Variants in CCSER1 observed in about 807,000 individuals in gnomAD.
CCSER1 encodes the protein coiled-coil serine rich protein 1.
CCSER1 carries 41 observed loss-of-function variants against 82.0 expected under a neutral mutation model. The ratio of observed to expected loss-of-function variants is 0.50; its 90% CI spans 0.39 to 0.65. The LOEUF (loss-of-function observed/expected upper bound fraction) is 0.65. Ranked by LOEUF, CCSER1 falls within the 30% of genes least tolerant of loss-of-function variation. The pLI is 0.00. For synonymous variants in CCSER1, 414 were observed against 383.9 expected (o/e 1.08, Z -0.92); for missense variants, 1,119 against 1,064.2 (o/e 1.05, Z -0.72).
At chr4:90,146,191 A>G (rs1451603421) in intron 1 of CCSER1, among the ~76,000 whole-genome samples, 1 of 152,056 alleles carries the variant, frequency 6.6e-6, no homozygotes, top group Non-Finnish European at 1.5e-5. Flanking sequence ...ATATTCTTGT[A>G]TTTCTAGTCT....
At chr4:90,487,810 T>C (rs942556748) in intron 5 of CCSER1, among the ~76,000 whole-genome samples, 6 of 152,098 alleles carry the variant, frequency 3.9e-5, no homozygotes, top group African/African-American at 1.4e-4. Context: ...CCCGGCTAAT[T>C]TTTGTATTTT....
intron 5 of CCSER1, among the ~76,000 whole-genome samples, chr4:90,587,653 T>G (rs900311177): frequency 2.6e-5 from 4 of 152,246 alleles, no homozygotes; most frequent in Non-Finnish European, 5.9e-5. Context: ...GATCCTAGAT[T>G]AAGCCTCTGT....
At chr4:90,427,421 T>C (rs973194315) in intron 4 of CCSER1, among the ~76,000 whole-genome samples, 1 of 151,430 alleles carries the variant, frequency 6.6e-6, no homozygotes, top group South Asian at 2.1e-4. Context: ...TGAAGGAATC[T>C]TTTGTTTATA....
In CCSER1 at chr4:90,834,224, T is replaced by C. The variant is rs78372799; in HGVS notation, c.2094+18379T>C. Among the ~76,000 whole-genome samples, 542 of 152,314 alleles carry C rather than the reference T, an allele frequency of 3.6e-3. 5 individuals carry two copies. The highest frequency in any genetic ancestry group is 0.028 in the South Asian group (134 of 4,828). ...TCAAGCCTATTTTCCTTCCTAGTACTCACAAGGTGATTTTTAATAATCAGG... is the reference window on the plus strand; with the variant it reads ...TCAAGCCTATTTTCCTTCCTAGTACCCACAAGGTGATTTTTAATAATCAGG... On this transcript the variant is annotated intron_variant, in intron 8 of 10. Transcript: ENST00000509176.
At chr4:90,161,590 A>G (rs1484162395) in intron 1 of CCSER1, among the ~76,000 whole-genome samples, 1 of 152,162 alleles carries the variant, frequency 6.6e-6, no homozygotes, top group African/African-American at 2.4e-5. Context: ...GAATAATTAT[A>G]GAAAATAACT....
chr4:90,260,068 T>C (rs1724042777), intron 1 of CCSER1, among the ~76,000 whole-genome samples: 2 of 152,212 alleles, frequency 1.3e-5, no homozygotes, highest in South Asian at 4.1e-4. Context: ...TCTGGTAGAA[T>C]TCAATTGTAC....
intron 10 of CCSER1, among the ~76,000 whole-genome samples, chr4:91,399,766 G>A (rs1167911419): frequency 2.0e-5 from 3 of 151,880 alleles, no homozygotes; most frequent in Non-Finnish European, 4.4e-5. Flanking sequence ...ATAAACTTGT[G>A]CTAACACTAC....
At position 90,811,995 on chromosome 4, in the gene CCSER1, C is replaced by CACACACACATATATATATATATAT. The variant is rs367800484; in HGVS notation, c.2011-3766_2011-3765insCACACACATATATATATATATATA. ...ATATATATATATATATATATAAACA[C>CACACACACATATATATATATATAT]ATATATATATATGAGTTTATTAAGT... On this transcript the variant is annotated intron_variant, in intron 7 of 10. Transcript: ENST00000509176. 4.2e-5 allele frequency among the ~76,000 whole-genome samples: 6 copies of CACACACACATATATATATATATAT among 142,772 alleles called. No homozygotes were observed. The East Asian group carries it at 8.4e-4, about 20-fold the overall frequency. The allele number at this position is 142,772 out of a possible 152,430, so 93.7% of individuals were successfully genotyped here.
intron 9 of CCSER1, among the ~76,000 whole-genome samples, chr4:91,067,289 T>C (rs1720923913): frequency 6.6e-6 from 1 of 151,866 alleles, no homozygotes; most frequent in South Asian, 2.1e-4. Context: ...CTGGAAAGAC[T>C]GTGTATGCTG....
chr4:90,776,665 AT>A (rs1287738142), intron 7 of CCSER1, among the ~76,000 whole-genome samples: 1 of 152,228 alleles, frequency 6.6e-6, no homozygotes, highest in Non-Finnish European at 1.5e-5. Context: ...AATTATTTAC[AT>A]GTATTAACAC....
intron 5 of CCSER1, among the ~76,000 whole-genome samples, chr4:90,605,286 C>T (rs922131896): frequency 2.6e-5 from 4 of 152,138 alleles, no homozygotes; most frequent in African/African-American, 9.7e-5. Flanking sequence ...AAGAAACCAC[C>T]AATTGTGGAC....
At chr4:91,422,228 A>AC (rs548614581) in intron 10 of CCSER1, among the ~76,000 whole-genome samples, 54 of 151,756 alleles carry the variant, frequency 3.6e-4, no homozygotes, top group Middle Eastern at 6.8e-3. Context: ...CAAAAAAAAA[A>AC]CCCCTGTACA....
chr4:90,595,460 C>G (rs1783216821), intron 5 of CCSER1, among the ~76,000 whole-genome samples: 1 of 151,814 alleles, frequency 6.6e-6, no homozygotes, highest in Non-Finnish European at 1.5e-5. Flanking sequence ...TCTGGATTAA[C>G]CTTCATAATA....
chr4:91,274,112 C>T (rs990481550), intron 10 of CCSER1, among the ~76,000 whole-genome samples: 2 of 152,106 alleles, frequency 1.3e-5, no homozygotes, highest in African/African-American at 4.8e-5. Flanking sequence ...AATACACTAT[C>T]TTAGATTTGG....
chr4:91,173,624 T>G (rs1022481841), intron 10 of CCSER1, among the ~76,000 whole-genome samples: 7 of 147,072 alleles, frequency 4.8e-5, no homozygotes, highest in Non-Finnish European at 7.4e-5. Flanking sequence ...AAAAAAGTGA[T>G]AAGAGTCTCT....
intron 1 of CCSER1, among the ~76,000 whole-genome samples, chr4:90,267,237 G>C (rs938663720): frequency 6.6e-6 from 1 of 151,980 alleles, no homozygotes; most frequent in Non-Finnish European, 1.5e-5. Context: ...GGTGGTAGTG[G>C]ACACAGGGAG....
chr4:91,355,106 A>G (rs547697271), intron 10 of CCSER1, among the ~76,000 whole-genome samples: 8 of 152,174 alleles, frequency 5.3e-5, no homozygotes, highest in Non-Finnish European at 1.0e-4. Context: ...TGCAGAGCCA[A>G]ACAAGATCTT....
chr4:90,199,450 T>A (rs904615136), intron 1 of CCSER1, among the ~76,000 whole-genome samples: 6 of 152,170 alleles, frequency 3.9e-5, no homozygotes, highest in African/African-American at 1.2e-4. Context: ...TAACATCTAA[T>A]CAAAGTCAAT....
At chr4:90,845,359 TAAAAAA>T (rs886923723) in intron 8 of CCSER1, among the ~76,000 whole-genome samples, 2 of 96,584 alleles carry the variant, frequency 2.1e-5, no homozygotes, top group Admixed American at 1.2e-4. Context: ...AGACGCCATC[TAAAAAA>T]AAAAAAAAAA....
Sources: allele counts gnomAD v4.1 joint callset (sites outside exome capture counted in the v4.1 genomes callset), GRCh38; gene constraint gnomAD v4.1.1; transcripts MANE v1.5; gene names NCBI Gene and HGNC (gene_info 2026-07-23, HGNC 2026-07-21).